AGBL3: variants seen among roughly 807,000 people sequenced by gnomAD.
AGBL3 encodes the protein AGBL carboxypeptidase 3.
AGBL3 carries 68 observed loss-of-function variants against 94.5 expected under a neutral mutation model. The observed-to-expected ratio is 0.72, with a 90% confidence interval of 0.59 to 0.88. AGBL3 has a LOEUF of 0.88. Ranked by LOEUF, AGBL3 falls within the 40% of genes least tolerant of loss-of-function variation. AGBL3 has a pLI of 0.00. For synonymous variants in AGBL3, 354 were observed against 370.7 expected (o/e 0.95, Z 0.52); for missense variants, 934 against 1,103.8 (o/e 0.85, Z 2.18).
At chr7:135,086,611 A>G (rs1022974459) in intron 15 of AGBL3, among the ~76,000 whole-genome samples, 3 of 152,166 alleles carry the variant, frequency 2.0e-5, no homozygotes, top group Admixed American at 2.0e-4. Context: ...GATGTGATGT[A>G]TCACATTTAT....
chr7:135,101,810 A>G (rs1205341246), intron 15 of AGBL3, among the ~76,000 whole-genome samples: 2 of 152,066 alleles, frequency 1.3e-5, no homozygotes, highest in Admixed American at 6.6e-5. Flanking sequence ...CCCCACCCAA[A>G]TCTCATCTTC....
At chr7:135,086,043 T>C (rs559857187) in intron 15 of AGBL3, among the ~76,000 whole-genome samples, 1 of 152,246 alleles carries the variant, frequency 6.6e-6, no homozygotes, top group Admixed American at 6.5e-5. Flanking sequence ...CTTGTAGAGA[T>C]ATTTCACCTC....
intron 12 of AGBL3, among the ~76,000 whole-genome samples, chr7:135,066,019 A>T (rs910421906): frequency 6.6e-6 from 1 of 152,204 alleles, no homozygotes; most frequent in Non-Finnish European, 1.5e-5. Context: ...TGAAACCATA[A>T]AACTCCTAGA....
At chr7:135,129,289 G>C in intron 16 of AGBL3, 1 of 1,504,560 alleles carries the variant, frequency 6.6e-7, no homozygotes, top group Non-Finnish European at 9.2e-7. Context: ...ACCTTGTGCA[G>C]GTTGACCTAC....
rs143145951 is a variant in AGBL3, at chr7:134,988,967, C to T, written c.64-283C>T. ...TTATTCTTAATTTAAATAGTTTTCCCGGGTTTATCAAGAATCTTTAAACTT... is the reference window on the plus strand; with the variant it reads ...TTATTCTTAATTTAAATAGTTTTCCTGGGTTTATCAAGAATCTTTAAACTT... On this transcript the variant is annotated intron_variant, in intron 2 of 16. Transcript: ENST00000436302. Among the ~76,000 whole-genome samples, 28 of 149,978 alleles carry T rather than the reference C, an allele frequency of 1.9e-4. No individual in the cohort carries two copies. The Middle Eastern group carries it at 0.014, about 73-fold the overall frequency.
chr7:135,038,784 A>C (rs902769678), intron 8 of AGBL3, among the ~76,000 whole-genome samples: 4 of 152,088 alleles, frequency 2.6e-5, no homozygotes, highest in African/African-American at 9.7e-5. Context: ...ACACAGTGAA[A>C]CCCCGTCTCT....
intron 15 of AGBL3, among the ~76,000 whole-genome samples, chr7:135,105,820 T>G (rs1203820678): frequency 6.6e-6 from 1 of 152,238 alleles, no homozygotes; most frequent in Non-Finnish European, 1.5e-5. Flanking sequence ...ATCTGTAAAT[T>G]GCTTTGGACA....
intron 4 of AGBL3, among the ~76,000 whole-genome samples, chr7:135,002,894 A>C (rs1259290066): frequency 6.6e-6 from 1 of 152,030 alleles, no homozygotes; most frequent in Non-Finnish European, 1.5e-5. Flanking sequence ...TCCTTTGCCC[A>C]TTTTGCTATT....
At chr7:135,076,641 G>A (rs1038961879) in intron 13 of AGBL3, among the ~76,000 whole-genome samples, 173 bp downstream of exon 13, 7 of 152,134 alleles carry the variant, frequency 4.6e-5, no homozygotes, top group Non-Finnish European at 1.0e-4. Flanking sequence ...GATGAGAGGT[G>A]GGCCTTATTA....
At chr7:135,092,379 G>T (rs1484393600) in intron 15 of AGBL3, 1 of 151,838 alleles carries the variant, frequency 6.6e-6, no homozygotes, top group East Asian at 1.9e-4. Flanking sequence ...TCAAATCTTG[G>T]TTTATTTGAG....
At chr7:135,112,639 G>A (rs4732095) in intron 15 of AGBL3, among the ~76,000 whole-genome samples, 73,780 of 152,044 alleles carry the variant, frequency 0.49, 18,272 homozygotes, top group South Asian at 0.66. Flanking sequence ...ATCTCTATAG[G>A]AGTATATTCT....
chr7:135,123,219 A>C (rs978579654), intron 16 of AGBL3, among the ~76,000 whole-genome samples: 1 of 152,238 alleles, frequency 6.6e-6, no homozygotes, highest in Non-Finnish European at 1.5e-5. Context: ...GGTGGAGCTG[A>C]AAAACAGCAC....
intron 4 of AGBL3, among the ~76,000 whole-genome samples, chr7:134,994,912 A>T (rs1331941749): frequency 6.6e-6 from 1 of 152,200 alleles, no homozygotes; most frequent in Non-Finnish European, 1.5e-5. Context: ...TCTGTAGTAT[A>T]GGACATCTCT....
At chr7:135,052,955 C>T (rs1366132297) in intron 11 of AGBL3, among the ~76,000 whole-genome samples, 3 of 152,018 alleles carry the variant, frequency 2.0e-5, no homozygotes, top group Admixed American at 1.3e-4. Flanking sequence ...TTGGTTATTT[C>T]GGAAACTTTG....
intron 4 of AGBL3, among the ~76,000 whole-genome samples, chr7:135,001,470 T>G (rs1811707981): frequency 6.6e-6 from 1 of 152,230 alleles, no homozygotes; most frequent in Admixed American, 6.5e-5. Flanking sequence ...TTGTCCTTTT[T>G]GCCTTTCAGC....
chr7:135,006,737 A>G (rs527673592), intron 4 of AGBL3, among the ~76,000 whole-genome samples: 3 of 152,048 alleles, frequency 2.0e-5, no homozygotes, highest in African/African-American at 7.2e-5. Context: ...AAGTTATGTG[A>G]AATTTTGTGG....
chr7:135,128,660 A>T (rs1828299649), intron 16 of AGBL3: 2 of 1,056,174 alleles, frequency 1.9e-6, no homozygotes, highest in Non-Finnish European at 2.9e-6. Flanking sequence ...TTCTTAAGGA[A>T]GAGACCCTAG....
chr7:135,010,599 T>A (rs1479908102), intron 4 of AGBL3: 2 of 152,208 alleles, frequency 1.3e-5, no homozygotes, highest in Admixed American at 6.5e-5. Flanking sequence ...TGGTTATTTA[T>A]ATAGGAGGAT....
chr7:134,989,309 A>G lies in AGBL3; in HGVS notation c.123A>G (p.Thr41=). Residue 41 remains threonine (T), a splice_region_variant and synonymous_variant, in exon 3 of 17, where the codon ACA becomes ACG. Coordinates refer to ENST00000436302, the MANE Select transcript of AGBL3 (RefSeq NM_178563.4). ...ATCTTCATCGGTGTGCACTTTTAAC[A>G]GGTTTGAACCTATTCATATAGTTTT... The part of the protein sequence containing the change: ...SEDLHRCALL[T]ADSFGDPFFP... 6.5e-7 allele frequency: 1 copy of G among 1,544,172 alleles called. No homozygotes were observed. Among genetic ancestry groups the G allele is most frequent in the Non-Finnish European group, 8.7e-7 (1 of 1,143,436 alleles).
Sources: allele counts gnomAD v4.1 joint callset (sites outside exome capture counted in the v4.1 genomes callset), GRCh38; gene constraint gnomAD v4.1.1; transcripts MANE v1.5; gene names NCBI Gene and HGNC (gene_info 2026-07-23, HGNC 2026-07-21).